Variants in LRRC37A2 observed in about 807,000 individuals in gnomAD.
LRRC37A2 encodes leucine-rich repeat-containing protein 37A2.
Under a neutral mutation model 68.8 loss-of-function variants are expected in LRRC37A2, and 9 were observed. That is an observed-to-expected ratio of 0.13 (90% CI 0.08 to 0.23). The LOEUF is 0.23. Ranked by LOEUF, LRRC37A2 falls within the 10% of genes least tolerant of loss-of-function variation. LRRC37A2 has a pLI of 1.00. For synonymous variants in LRRC37A2, 63 were observed against 367.6 expected (o/e 0.17, Z 9.48); for missense variants, 168 against 950.4 (o/e 0.18, Z 10.82).
the LRRC37A2 span, among the ~76,000 whole-genome samples, chr17:46,956,393 C>T: frequency 4.8e-5 from 7 of 146,782 alleles, no homozygotes; most frequent in African/African-American, 1.3e-4. Context: ...CGGGTTCAAG[C>T]GATTCTCCTG....
the LRRC37A2 span, chr17:46,942,059 TAACTG>T: frequency 2.5e-3 from 1,327 of 537,874 alleles, 2 homozygotes; most frequent in Non-Finnish European, 2.6e-3. Context: ...TTTGAGGAAA[TAACTG>T]AAACAGATAC....
chr17:46,490,853 G>T, the LRRC37A2 span, among the ~76,000 whole-genome samples: 1 of 150,608 alleles, frequency 6.6e-6, no homozygotes, highest in Admixed American at 6.6e-5. Flanking sequence ...TCTTTGGGTG[G>T]ACATGTGTAC....
At chr17:46,832,350 G>C in the LRRC37A2 span, among the ~76,000 whole-genome samples, 17 of 150,598 alleles carry the variant, frequency 1.1e-4, no homozygotes, top group Middle Eastern at 3.4e-3. Context: ...CGAAGTGGCT[G>C]GGAGGGAAGT....
the LRRC37A2 span, among the ~76,000 whole-genome samples, chr17:46,724,281 A>C: frequency 6.6e-6 from 1 of 152,262 alleles, no homozygotes; most frequent in African/African-American, 2.4e-5. Flanking sequence ...ATGAAAGGAC[A>C]ACCCGAAAAT....
At chr17:46,738,995 G>A in the LRRC37A2 span, among the ~76,000 whole-genome samples, 1 of 151,794 alleles carries the variant, frequency 6.6e-6, no homozygotes. Flanking sequence ...CAGCACTTTG[G>A]GAGGCCAAGG....
chr17:46,935,100 C>T, the LRRC37A2 span: 1 of 1,613,208 alleles, frequency 6.2e-7, no homozygotes, highest in Non-Finnish European at 8.5e-7. Context: ...TTCACAACGG[C>T]ATGGATGACC....
At chr17:46,778,615 T>C in the LRRC37A2 span, among the ~76,000 whole-genome samples, 1 of 152,146 alleles carries the variant, frequency 6.6e-6, no homozygotes, top group Non-Finnish European at 1.5e-5. Flanking sequence ...TTCCCCATTA[T>C]TGAAGTACAC....
the LRRC37A2 span, among the ~76,000 whole-genome samples, chr17:46,734,759 C>T: frequency 6.6e-6 from 1 of 152,008 alleles, no homozygotes; most frequent in Non-Finnish European, 1.5e-5. Flanking sequence ...TCAAATGTAT[C>T]AAAAACAGTG....
At chr17:46,935,275 T>A in the LRRC37A2 span, 1 of 1,599,216 alleles carries the variant, frequency 6.3e-7, no homozygotes, top group South Asian at 1.1e-5. Context: ...AATTGTGATA[T>A]TTTGATGACA....
At chr17:47,018,472 C>T in the LRRC37A2 span, 5 of 1,531,032 alleles carry the variant, frequency 3.3e-6, no homozygotes, top group Non-Finnish European at 4.5e-6. Flanking sequence ...GAGCCTAGTG[C>T]AGAGGTGGGA....
At chr17:46,600,067 C>T in the LRRC37A2 span, among the ~76,000 whole-genome samples, 2 of 24,950 alleles carry the variant, frequency 8.0e-5, no homozygotes, top group Non-Finnish European at 1.3e-4. Flanking sequence ...GAGCAATCTT[C>T]CTGCTTCAGC....
chr17:46,583,975 T>TTATATATATATATA, the LRRC37A2 span, among the ~76,000 whole-genome samples: 39 of 10,320 alleles, frequency 3.8e-3, no homozygotes, highest in Admixed American at 0.021. Context: ...CGTATATGTT[T>TTATATATATATATA]TATATATATA....
chr17:46,809,566 C>G, the LRRC37A2 span, among the ~76,000 whole-genome samples: 1 of 152,228 alleles, frequency 6.6e-6, no homozygotes, highest in African/African-American at 2.4e-5. Flanking sequence ...AGGCCTTACC[C>G]AGGCCATTAG....
chr17:46,904,473 GA>G, the LRRC37A2 span, among the ~76,000 whole-genome samples: 1 of 150,010 alleles, frequency 6.7e-6, no homozygotes, highest in African/African-American at 2.5e-5. Flanking sequence ...TGGATGGATG[GA>G]TGGATGGATG....
chr17:46,730,258 T>A, the LRRC37A2 span, among the ~76,000 whole-genome samples: 2 of 152,134 alleles, frequency 1.3e-5, no homozygotes, highest in African/African-American at 2.4e-5. Context: ...ATAAAAACTA[T>A]TAGAATGTGA....
At chr17:46,846,021 T>C in the LRRC37A2 span, among the ~76,000 whole-genome samples, 1 of 151,970 alleles carries the variant, frequency 6.6e-6, no homozygotes, top group African/African-American at 2.4e-5. Context: ...GAACTCCTGA[T>C]CTCAGGTGCT....
chr17:46,837,967 G>A, the LRRC37A2 span, among the ~76,000 whole-genome samples: 73 of 152,262 alleles, frequency 4.8e-4, no homozygotes, highest in Non-Finnish European at 7.8e-4. Flanking sequence ...GGTGGGTGGC[G>A]TTTTCCACGT....
the LRRC37A2 span, among the ~76,000 whole-genome samples, chr17:46,712,071 A>C: frequency 6.6e-6 from 1 of 152,210 alleles, no homozygotes; most frequent in East Asian, 1.9e-4. Context: ...TTTATGATGG[A>C]GAATGGATTG....
the LRRC37A2 span, among the ~76,000 whole-genome samples, chr17:47,002,978 G>A: frequency 6.6e-6 from 1 of 152,142 alleles, no homozygotes; most frequent in African/African-American, 2.4e-5. Context: ...GAAGCTGGGT[G>A]TGATGGTTCA....
Sources: allele counts gnomAD v4.1 joint callset (sites outside exome capture counted in the v4.1 genomes callset), GRCh38; gene constraint gnomAD v4.1.1; transcripts MANE v1.5; gene names NCBI Gene and HGNC (gene_info 2026-07-23, HGNC 2026-07-21).